Variants in SDK1 observed in about 807,000 individuals in gnomAD.
SDK1 encodes sidekick cell adhesion molecule 1.
In SDK1, 157 loss-of-function variants were observed where a neutral mutation model predicts 245.5. The observed-to-expected ratio is 0.64, with a 90% confidence interval of 0.56 to 0.73. The LOEUF (loss-of-function observed/expected upper bound fraction) is 0.73. SDK1 is among the 30% of genes least tolerant of loss of function. SDK1 has a pLI of 0.00. For missense variants in SDK1, 3,583 were observed against 3,002.3 expected, an observed-to-expected ratio of 1.19 and a Z score of -4.52; for synonymous variants, 1,647 against 1,278.5, an observed-to-expected ratio of 1.29 and a Z score of -6.15.
chr7:4,202,641 G>A (rs766392216), intron 35 of SDK1, among the ~76,000 whole-genome samples: 6 of 152,330 alleles, frequency 3.9e-5, no homozygotes, highest in Admixed American at 2.0e-4. Flanking sequence ...ATGAGTGGGC[G>A]GAGGCTGAAT....
chr7:3,477,951 A>G (rs1562510602), intron 1 of SDK1, among the ~76,000 whole-genome samples: 1 of 152,188 alleles, frequency 6.6e-6, no homozygotes, highest in Non-Finnish European at 1.5e-5. Context: ...GGTGTGTGTT[A>G]GAGATCTGCC....
At chr7:3,530,513 T>C (rs1230099125) in intron 1 of SDK1, among the ~76,000 whole-genome samples, 2 of 152,190 alleles carry the variant, frequency 1.3e-5, no homozygotes, top group Non-Finnish European at 1.5e-5. Context: ...TGTAAGGAGT[T>C]GATAGAACTT....
At chr7:3,795,485 C>G (rs528397408) in intron 4 of SDK1, among the ~76,000 whole-genome samples, 1 of 152,076 alleles carries the variant, frequency 6.6e-6, no homozygotes, top group Non-Finnish European at 1.5e-5. Flanking sequence ...GAAATGGGCT[C>G]TGAAAGGAAT....
intron 1 of SDK1, among the ~76,000 whole-genome samples, chr7:3,585,754 A>G (rs1158272705): frequency 4.6e-5 from 7 of 152,180 alleles, no homozygotes; most frequent in Admixed American, 4.6e-4. Flanking sequence ...AGCACAGCAT[A>G]AGAGATGAAA....
At chr7:3,697,097 C>G (rs1239404060) in intron 4 of SDK1, among the ~76,000 whole-genome samples, 2 of 152,192 alleles carry the variant, frequency 1.3e-5, no homozygotes, top group Non-Finnish European at 2.9e-5. Flanking sequence ...TTTTCCTTCT[C>G]TCGCCATTTG....
chr7:4,236,438 G>A (rs573065920), intron 41 of SDK1, among the ~76,000 whole-genome samples: 18 of 152,030 alleles, frequency 1.2e-4, no homozygotes, highest in Non-Finnish European at 2.5e-4. Context: ...CACATCTAAA[G>A]ACAGGGCCAG....
intron 4 of SDK1, among the ~76,000 whole-genome samples, chr7:3,685,901 C>T (rs1291949515): frequency 1.3e-5 from 2 of 151,704 alleles, no homozygotes; most frequent in Non-Finnish European, 1.5e-5. Context: ...ACATGCATAT[C>T]AATAATTATG....
chr7:3,733,693 A>G (rs1177541516), intron 4 of SDK1, among the ~76,000 whole-genome samples: 1 of 152,218 alleles, frequency 6.6e-6, no homozygotes, highest in Non-Finnish European at 1.5e-5. Context: ...CCAAACACAG[A>G]TGTATGAAAT....
At chr7:3,333,008 G>A (rs1281991787) in intron 1 of SDK1, among the ~76,000 whole-genome samples, 1 of 152,192 alleles carries the variant, frequency 6.6e-6, no homozygotes, top group Non-Finnish European at 1.5e-5. Flanking sequence ...TTCCCTGTCA[G>A]TGTATTGTAA....
At chr7:3,957,582 G>A (rs1012826086) in intron 7 of SDK1, among the ~76,000 whole-genome samples, 1 of 152,156 alleles carries the variant, frequency 6.6e-6, no homozygotes, top group Non-Finnish European at 1.5e-5. Flanking sequence ...CTTTTAATCA[G>A]ATCATGACGG....
intron 4 of SDK1, among the ~76,000 whole-genome samples, chr7:3,788,579 T>C (rs928293514): frequency 6.6e-6 from 1 of 152,176 alleles, no homozygotes; most frequent in African/African-American, 2.4e-5. Context: ...GGGTGTCCAA[T>C]CTTTTGGCTT....
At chr7:3,615,356 G>C (rs1244867855) in intron 1 of SDK1, among the ~76,000 whole-genome samples, 1 of 151,586 alleles carries the variant, frequency 6.6e-6, no homozygotes, top group Non-Finnish European at 1.5e-5. Flanking sequence ...AAGGAAATTG[G>C]ACACATGGCT....
intron 5 of SDK1, among the ~76,000 whole-genome samples, chr7:3,887,408 A>G (rs889954703): frequency 6.6e-6 from 1 of 152,242 alleles, no homozygotes; most frequent in Admixed American, 6.5e-5. Context: ...ACCGTGGAGT[A>G]TTAGTGAACA....
chr7:3,414,933 T>A (rs1779319627), intron 1 of SDK1, among the ~76,000 whole-genome samples: 1 of 152,228 alleles, frequency 6.6e-6, no homozygotes, highest in Non-Finnish European at 1.5e-5. Context: ...TGAAAAAATA[T>A]TTCCGTGCAC....
rs114509731 is a variant in SDK1 at position 3,742,190 on chromosome 7, A to G, written c.714-79260A>G. Among the ~76,000 whole-genome samples the G allele has an allele frequency of 5.7e-3, 850 of 149,162 alleles. 6 individuals carry two copies. The highest frequency in any genetic ancestry group is 0.019 in the African/African-American group (755 of 40,410). On this transcript the variant is annotated intron_variant, in intron 4 of 44. Transcript: ENST00000404826. ...CCTTCTTTCTTCCCTTTCCTCCCCA[A>G]TGTTTTCCGTATCTCTGGCAAAGTT...
chr7:3,515,501 AACAC>A (rs1222664612), intron 1 of SDK1, among the ~76,000 whole-genome samples: 1 of 152,166 alleles, frequency 6.6e-6, no homozygotes. Context: ...TTTATTTAAA[AACAC>A]ACACTGTCCT....
rs1779406111 is a variant in SDK1, at chr7:4,139,643, G to GTGTATATGTGTGTGTGTATA, written c.4229-6075_4229-6056dup. Among the ~76,000 whole-genome samples, 5 of 67,294 alleles carry GTGTATATGTGTGTGTGTATA rather than the reference G, an allele frequency of 7.4e-5. 1 individual carries two copies. The highest frequency in any genetic ancestry group is 1.6e-4 in the Non-Finnish European group (5 of 31,836). The allele number at this position is 67,294 out of a possible 152,430, so 44.1% of individuals were successfully genotyped here. A position where few individuals can be genotyped will look rare whatever the true frequency, so the allele number is the denominator to read the frequency against. On this transcript the variant is annotated intron_variant, in intron 28 of 44. Coordinates refer to ENST00000404826, the MANE Select transcript of SDK1 (RefSeq NM_152744.4). The stretch of plus-strand genomic sequence containing the variant: ...TGTGTGTGTATATGTATATATGTGT[G>GTGTATATGTGTGTGTGTATA]TGTATATGTGTGTGTGTATATGTGT...
chr7:4,237,173 C>G (rs1319127808), intron 41 of SDK1, among the ~76,000 whole-genome samples: 2 of 152,178 alleles, frequency 1.3e-5, no homozygotes, highest in Admixed American at 6.5e-5. Context: ...ACTTCAGGCA[C>G]ACGCCTCTGT....
chr7:3,892,549 G>A (rs1381874287), intron 5 of SDK1, among the ~76,000 whole-genome samples: 1 of 152,220 alleles, frequency 6.6e-6, no homozygotes, highest in African/African-American at 2.4e-5. Flanking sequence ...GGCAAGTCAC[G>A]ATGAGGAGAG....
Sources: gnomAD v4.1 joint callset for allele counts (sites outside exome capture counted in the v4.1 genomes callset) on GRCh38, gnomAD v4.1.1 for gene constraint, MANE v1.5 for transcripts, NCBI Gene and HGNC (gene_info 2026-07-23, HGNC 2026-07-21) for gene names.